NR3C2: variants seen among roughly 807,000 people sequenced by gnomAD.
NR3C2 encodes the protein mineralocorticoid receptor.
Under a neutral mutation model 86.4 loss-of-function variants are expected in NR3C2, and 15 were observed. The observed-to-expected ratio is 0.17, with a 90% CI of 0.12 to 0.27. The LOEUF is 0.27. Ranked by LOEUF, NR3C2 falls within the 10% of genes least tolerant of loss-of-function variation. NR3C2 has a pLI of 1.00. For missense variants in NR3C2, 960 were observed against 1,195.6 expected (o/e 0.80, Z 2.91); for synonymous variants, 458 against 450.5 (o/e 1.02, Z -0.21).
chr4:148,096,094 A>G (rs184770077), intron 8 of NR3C2, among the ~76,000 whole-genome samples: 1 of 152,288 alleles, frequency 6.6e-6, no homozygotes, highest in Non-Finnish European at 1.5e-5. Flanking sequence ...TCCTTGTATT[A>G]AAAGCCTCAT....
chr4:148,152,956 T>G (rs1052861653), intron 5 of NR3C2, among the ~76,000 whole-genome samples: 4 of 152,178 alleles, frequency 2.6e-5, no homozygotes, highest in Admixed American at 1.3e-4. Flanking sequence ...CCACCCACAA[T>G]TAATAACACT....
At chr4:148,229,724 A>G (rs1037701000) in intron 3 of NR3C2, among the ~76,000 whole-genome samples, 2 of 152,226 alleles carry the variant, frequency 1.3e-5, no homozygotes, top group African/African-American at 4.8e-5. Flanking sequence ...GAAAGTCACC[A>G]AATGTCACCT....
At chr4:148,352,991 T>C (rs1055078523) in intron 2 of NR3C2, among the ~76,000 whole-genome samples, 4 of 152,138 alleles carry the variant, frequency 2.6e-5, no homozygotes. Flanking sequence ...ACAAGGCAGA[T>C]CTTATTTTAA....
At chr4:148,131,555 T>G (rs940138814) in intron 6 of NR3C2, among the ~76,000 whole-genome samples, 1 of 152,216 alleles carries the variant, frequency 6.6e-6, no homozygotes, top group African/African-American at 2.4e-5. Context: ...ACAAGATGTA[T>G]CTGTAGAAGG....
chr4:148,354,811 T>C (rs1486783883), intron 2 of NR3C2, among the ~76,000 whole-genome samples: 3 of 152,168 alleles, frequency 2.0e-5, no homozygotes, highest in Admixed American at 6.5e-5. Context: ...ATGAAGGATA[T>C]AGAATTATCT....
At chr4:148,105,458 C>T (rs1731751766) in intron 8 of NR3C2, among the ~76,000 whole-genome samples, 1 of 152,166 alleles carries the variant, frequency 6.6e-6, no homozygotes, top group Non-Finnish European at 1.5e-5. Context: ...CAAAGAGGAG[C>T]TAGTACCATT....
rs140705228 is a variant in NR3C2 at position 148,120,222 on chromosome 4, G to A, written c.2577C>T (p.Phe859=). 143 of 1,614,118 alleles carry A rather than the reference G, an allele frequency of 8.9e-5. No individual in the cohort carries two copies. The highest frequency in any genetic ancestry group is 8.7e-4 in the East Asian group (39 of 44,884). The change falls in exon 7 of 9, where the codon TTC becomes TTT. Residue 859 remains phenylalanine, a synonymous_variant. Coordinates refer to ENST00000358102, the MANE Select transcript of NR3C2 (RefSeq NM_000901.5). ...CTTCAAAGGTGAGCTGCAGTCGAACGAACTGAAGGCTGATTTGGTGCATCC... is the reference window on the plus strand; with the variant it reads ...CTTCAAAGGTGAGCTGCAGTCGAACAAACTGAAGGCTGATTTGGTGCATCC... ...CQGMHQISLQ[F]VRLQLTFEEY... is the part of the protein sequence containing the mutation.
chr4:148,443,771 G>T (rs371779838), upstream of NR3C2, among the ~76,000 whole-genome samples: 1 of 152,050 alleles, frequency 6.6e-6, no homozygotes, highest in African/African-American at 2.4e-5. Context: ...CTTCGCGCCC[G>T]CCAAAGCCCG....
chr4:148,181,965 A>T (rs911911902), intron 4 of NR3C2, among the ~76,000 whole-genome samples: 3 of 152,246 alleles, frequency 2.0e-5, no homozygotes, highest in African/African-American at 7.2e-5. Context: ...AGGAGAGGCC[A>T]GTTTGGGGAC....
At chr4:148,281,404 C>T (rs1365060736) in intron 2 of NR3C2, among the ~76,000 whole-genome samples, 6 of 152,198 alleles carry the variant, frequency 3.9e-5, no homozygotes, top group Non-Finnish European at 5.9e-5. Context: ...CAGTGACTTA[C>T]GTCCTTTCAA....
intron 6 of NR3C2, among the ~76,000 whole-genome samples, chr4:148,126,483 A>C (rs1258736298): frequency 6.6e-6 from 1 of 152,228 alleles, no homozygotes; most frequent in Non-Finnish European, 1.5e-5. Context: ...TCTAGGGAAA[A>C]ACCAGAGATA....
chr4:148,189,194 G>T (rs1031401058), intron 4 of NR3C2, among the ~76,000 whole-genome samples: 2 of 152,124 alleles, frequency 1.3e-5, no homozygotes, highest in African/African-American at 2.4e-5. Flanking sequence ...CTCCCAAAGT[G>T]TTGGCATTAC....
chr4:148,441,043 T>C (rs1443431926), intron 1 of NR3C2, among the ~76,000 whole-genome samples: 2 of 152,330 alleles, frequency 1.3e-5, no homozygotes, highest in South Asian at 4.1e-4. Flanking sequence ...TACATAACTA[T>C]TATGTTCCTC....
chr4:148,156,601 T>C (rs1734399802), intron 4 of NR3C2, among the ~76,000 whole-genome samples: 1 of 152,034 alleles, frequency 6.6e-6, no homozygotes, highest in Non-Finnish European at 1.5e-5. Context: ...AAAACCACAA[T>C]GAGACACCAT....
rs138001022 is a variant in NR3C2 at position 148,167,500 on chromosome 4, C to T, written c.2015-12599G>A. Among the ~76,000 whole-genome samples the T allele has an allele frequency of 4.6e-3, 701 of 152,268 alleles. 6 individuals carry two copies. Among genetic ancestry groups the T allele is most frequent in the African/African-American group, 0.016 (669 of 41,536 alleles). On this transcript the variant is annotated intron_variant, in intron 4 of 8. Transcript: ENST00000358102. ...ATTCTCTTTTATAGTCAGATATTCT[C>T]CCTTCACAGATATGATCATAGAGGA... is the stretch of plus-strand genomic sequence containing the variant.
intron 2 of NR3C2, among the ~76,000 whole-genome samples, chr4:148,297,859 A>C (rs2115800): frequency 0.2 from 29,725 of 151,460 alleles, 3,107 homozygotes; most frequent in Admixed American, 0.28. Flanking sequence ...ATTGCACTCC[A>C]GCCTGGGCGA....
intron 4 of NR3C2, among the ~76,000 whole-genome samples, chr4:148,180,200 T>C (rs1210370793): frequency 2.6e-5 from 4 of 151,826 alleles, no homozygotes; most frequent in Non-Finnish European, 5.9e-5. Context: ...GTTTTGCAGG[T>C]GACCATGCCA....
chr4:148,302,520 A>G (rs1158731786), intron 2 of NR3C2, among the ~76,000 whole-genome samples: 1 of 152,212 alleles, frequency 6.6e-6, no homozygotes, highest in Non-Finnish European at 1.5e-5. Context: ...GCTTAAGTGA[A>G]ATAAGAATCC....
At chr4:148,337,075 G>A (rs1369246902) in intron 2 of NR3C2, among the ~76,000 whole-genome samples, 1 of 152,284 alleles carries the variant, frequency 6.6e-6, no homozygotes, top group African/African-American at 2.4e-5. Context: ...GACTACAGGC[G>A]TGAGCCACCA....
Sources: gnomAD v4.1 joint callset for allele counts (sites outside exome capture counted in the v4.1 genomes callset) on GRCh38, gnomAD v4.1.1 for gene constraint, MANE v1.5 for transcripts, NCBI Gene and HGNC (gene_info 2026-07-23, HGNC 2026-07-21) for gene names.